Variants in ANKMY1 observed in about 807,000 individuals in gnomAD.
ANKMY1 encodes ankyrin repeat and MYND domain-containing protein 1.
Under a neutral mutation model 102.0 loss-of-function variants are expected in ANKMY1, and 98 were observed. The ratio of observed to expected loss-of-function variants is 0.96; its 90% CI spans 0.82 to 1.14. The LOEUF (loss-of-function observed/expected upper bound fraction) is 1.14. Ranked by LOEUF, ANKMY1 falls within the 50% of genes most tolerant of loss-of-function variation. ANKMY1 has a pLI of 0.00. For synonymous variants in ANKMY1, 582 were observed against 559.9 expected (o/e 1.04, Z -0.56); for missense variants, 1,330 against 1,347.6 (o/e 0.99, Z 0.20).
chr2:240,481,681 A>T (rs1006107069), intron 16 of ANKMY1, among the ~76,000 whole-genome samples: 24 of 152,164 alleles, frequency 1.6e-4, no homozygotes, highest in African/African-American at 5.8e-4. Flanking sequence ...GCACACAAGC[A>T]TGTAAAGAGA....
At chr2:240,484,654 A>G (rs887251806) in intron 15 of ANKMY1, among the ~76,000 whole-genome samples, 9 of 152,260 alleles carry the variant, frequency 5.9e-5, no homozygotes, top group African/African-American at 2.2e-4. Context: ...CAAAGACTTC[A>G]TGACTAAAAC....
chr2:240,480,864 C>T (rs2151827623), intron 17 of ANKMY1, 73 bp downstream of exon 17: 5 of 1,516,394 alleles, frequency 3.3e-6, no homozygotes, highest in East Asian at 2.3e-5. Context: ...TGCCCCTCAC[C>T]AGCACCCCAG....
intron 7 of ANKMY1, 52 bp downstream of exon 7, chr2:240,525,633 A>C (rs1288618362): frequency 2.5e-6 from 4 of 1,582,306 alleles, no homozygotes; most frequent in Admixed American, 3.5e-5. Flanking sequence ...TTACAGAGAC[A>C]GAGAAGACTA....
chr2:240,503,679 C>A (rs950317461), intron 13 of ANKMY1, among the ~76,000 whole-genome samples: 15 of 152,198 alleles, frequency 9.9e-5, no homozygotes, highest in African/African-American at 3.6e-4. Context: ...AGAACAGTAG[C>A]CAAGGAGAAA....
chr2:240,520,336 C>T lies in ANKMY1; in HGVS notation c.2004+26G>A, dbSNP rs544576750. ...GCCCGGGAGTCTGCTGCGCTCGTCC[C>T]GGCGCCCGCCCGCCGCGGCTCCTAC... On this transcript the variant is annotated intron_variant, in intron 9 of 17. Coordinates refer to ENST00000401804, the MANE Select transcript of ANKMY1 (RefSeq NM_001282771.3). The surrounding 1 kb of genome is among the most constrained non-coding windows in gnomAD (Gnocchi z 4.8). 1.2e-4 allele frequency: 187 copies of T among 1,514,638 alleles called. No individual in the cohort carries two copies. The highest frequency in any genetic ancestry group is 1.1e-3 in the Middle Eastern group (6 of 5,374). The allele number at this position is 1,514,638 out of a possible 1,614,324, so 93.8% of individuals were successfully genotyped here.
chr2:240,485,652 TG>T (rs1055161200), intron 15 of ANKMY1, among the ~76,000 whole-genome samples: 6 of 151,970 alleles, frequency 3.9e-5, no homozygotes, highest in African/African-American at 1.5e-4. Flanking sequence ...TGCAGTGGCA[TG>T]ATAGTGGCTC....
At position 240,520,116 on chromosome 2, in the gene ANKMY1, A is replaced by C; in HGVS notation, c.2004+246T>G. On this transcript the variant is annotated intron_variant, in intron 9 of 17. Transcript: ENST00000401804. This position sits in a 1 kb window ranked among gnomAD's most constrained non-coding sequence, Gnocchi z 4.8. ...CCCTTAGTTTGCTTCAACACTGGGA[A>C]AAAAATCACACGGATCGTGAAGTAC... is the stretch of plus-strand genomic sequence containing the variant. The C allele has an allele frequency of 2.8e-6, 2 of 711,280 alleles. No individual in the cohort carries two copies. Among genetic ancestry groups the C allele is most frequent in the East Asian group, 3.0e-5 (1 of 33,898 alleles). 44.1% of individuals were successfully genotyped at this position (711,280 alleles called of 1,614,324 possible). A position where few individuals can be genotyped will look rare whatever the true frequency, so the allele number is the denominator to read the frequency against.
chr2:240,541,730 C>T (rs762410946), intron 4 of ANKMY1, among the ~76,000 whole-genome samples: 23 of 151,876 alleles, frequency 1.5e-4, no homozygotes, highest in Non-Finnish European at 2.9e-4. Context: ...TCTTGATCTC[C>T]TGACCTCGTG....
At chr2:240,471,836 A>G in the ANKMY1 span, among the ~76,000 whole-genome samples, 1 of 152,170 alleles carries the variant, frequency 6.6e-6, no homozygotes, top group African/African-American at 2.4e-5. Flanking sequence ...GGTCCTTTGC[A>G]GATCCAGAAA....
Sources: gnomAD v4.1 joint callset for allele counts (sites outside exome capture counted in the v4.1 genomes callset) on GRCh38, gnomAD v4.1.1 for gene constraint, Gnocchi (gnomAD v3.1) non-coding constraint, MANE v1.5 for transcripts, NCBI Gene and HGNC (gene_info 2026-07-23, HGNC 2026-07-21) for gene names.